The following SPRY3 variants were observed in gnomAD, a reference collection of about 807,000 sequenced individuals.
SPRY3 encodes protein sprouty homolog 3.
A neutral mutation model predicts 20.2 loss-of-function variants in SPRY3; 15 were observed. The observed-to-expected ratio is 0.74, with a 90% CI of 0.50 to 1.14. SPRY3 has a LOEUF of 1.14. Ranked by LOEUF, SPRY3 falls within the 50% of genes most tolerant of loss-of-function variation. The probability of loss-of-function intolerance (pLI) is 0.00; values close to 1 mark genes in which losing one functional copy is unlikely to be tolerated. For synonymous variants in SPRY3, 143 were observed against 136.5 expected, an observed-to-expected ratio of 1.05 and a Z score of -0.33; for missense variants, 364 against 363.9, an observed-to-expected ratio of 1.00 and a Z score of 0.00.
intron 2 of SPRY3, among the ~76,000 whole-genome samples, chrX:155,735,489 T>C (rs2091162274): frequency 6.6e-6 from 1 of 152,044 alleles, no homozygotes; most frequent in Non-Finnish European, 1.5e-5. Flanking sequence ...TCTATTTTAA[T>C]GCTGTTTTTA....
chrX:155,750,989 T>C (rs2091259625), intron 2 of SPRY3, among the ~76,000 whole-genome samples: 1 of 151,806 alleles, frequency 6.6e-6, no homozygotes, highest in Non-Finnish European at 1.5e-5. Flanking sequence ...GTAATTGTAA[T>C]GATGAACCAT....
chrX:155,749,916 G>C (rs748611254), intron 2 of SPRY3, among the ~76,000 whole-genome samples: 1 of 151,866 alleles, frequency 6.6e-6, no homozygotes, highest in South Asian at 2.1e-4. Flanking sequence ...GAGGGATCGA[G>C]TCTATAGATA....
At chrX:155,649,813 G>A (rs1236813877) in intron 1 of SPRY3, among the ~76,000 whole-genome samples, 1 of 111,309 alleles carries the variant, frequency 9.0e-6, no homozygotes, top group Non-Finnish European at 1.9e-5. Context: ...CAAATAGGAA[G>A]GGAGGAAGTC....
At chrX:155,760,939 C>T (rs772104354) in intron 2 of SPRY3, among the ~76,000 whole-genome samples, 6 of 152,212 alleles carry the variant, frequency 3.9e-5, no homozygotes, top group African/African-American at 1.2e-4. Flanking sequence ...AATGTCAATC[C>T]TTATACATTT....
chrX:155,706,821 T>C (rs974933583), intron 2 of SPRY3, among the ~76,000 whole-genome samples: 12 of 150,970 alleles, frequency 7.9e-5, no homozygotes, highest in African/African-American at 2.4e-4. Flanking sequence ...GTACATCTAT[T>C]TTAAAATTTT....
intron 2 of SPRY3, among the ~76,000 whole-genome samples, chrX:155,718,139 A>G (rs2091034420): frequency 6.6e-6 from 1 of 152,146 alleles, no homozygotes; most frequent in Admixed American, 6.6e-5. Flanking sequence ...TTCAATTTCC[A>G]GAGCCCTGTA....
chrX:155,733,507 G>A (rs1270258737), intron 2 of SPRY3, among the ~76,000 whole-genome samples: 1 of 151,548 alleles, frequency 6.6e-6, no homozygotes, highest in Non-Finnish European at 1.5e-5. Context: ...GTCATCCTGG[G>A]CTTTGATGTT....
chrX:155,767,970 A>C (rs1469865925), exon 3 of SPRY3: 10 of 152,272 alleles, frequency 6.6e-5, no homozygotes, highest in Admixed American at 5.2e-4. Context: ...AGAACAAGAC[A>C]GAACTATCTC....
At chrX:155,773,914 A>G (rs930822882) in exon 4 of SPRY3, 3 of 1,613,802 alleles carry the variant, frequency 1.9e-6, no homozygotes, top group African/African-American at 1.3e-5. Context: ...AATTCTGCCT[A>G]TTGAACAGCT....
At chrX:155,626,202 A>G (rs782640024) in intron 1 of SPRY3, among the ~76,000 whole-genome samples, 6 of 111,314 alleles carry the variant, frequency 5.4e-5, no homozygotes, top group African/African-American at 1.6e-4. Context: ...CCTCTCCAAC[A>G]CTCATTTTAG....
In SPRY3 at chrX:155,659,438, C is replaced by T. The variant is rs187363449; in HGVS notation, c.-282+2413C>T. ...GGGATTACAGACGTGCGCCACCACA[C>T]CCAGCCTTTATTTTTTGAGGATTTT... On this transcript the variant is annotated intron_variant, in intron 2 of 3. Transcript: ENST00000675360. 1.8e-3 allele frequency among the ~76,000 whole-genome samples: 201 copies of T among 110,805 alleles called. 1 individual carries two copies. Among genetic ancestry groups the T allele is most frequent in the African/African-American group, 6.3e-3 (191 of 30,526 alleles).
chrX:155,765,353 G>A (rs1224661817), intron 2 of SPRY3, among the ~76,000 whole-genome samples: 1 of 152,072 alleles, frequency 6.6e-6, no homozygotes, highest in African/African-American at 2.4e-5. Context: ...TGTAACCTTG[G>A]ACAAGTTACT....
At chrX:155,713,074 G>T (rs1484250700) in intron 2 of SPRY3, among the ~76,000 whole-genome samples, 19 of 151,626 alleles carry the variant, frequency 1.3e-4, no homozygotes, top group Admixed American at 1.2e-3. Flanking sequence ...TATTATTTTT[G>T]ATTGGTTCAT....
At chrX:155,774,755 A>T (rs2091412427) in exon 4 of SPRY3, 2 of 1,595,788 alleles carry the variant, frequency 1.3e-6, no homozygotes, top group Non-Finnish European at 1.7e-6. Context: ...AACAAGGTGG[A>T]TCCAGAGCTT....
In SPRY3 at chrX:155,677,940, A is replaced by G. The variant is rs193257595; in HGVS notation, c.-282+20915A>G. 1.4e-3 allele frequency among the ~76,000 whole-genome samples: 155 copies of G among 111,699 alleles called. 1 individual carries two copies. Among genetic ancestry groups the G allele is most frequent in the Admixed American group, 3.9e-3 (41 of 10,496 alleles). On this transcript the variant is annotated intron_variant, in intron 2 of 3. Coordinates refer to ENST00000675360, the Ensembl canonical transcript of SPRY3. ...AGACTGAAATGCCTACTGTGTGACA[A>G]TTTGGTACTAGACACCCTAGTAACC...
chrX:155,692,417 C>G (rs2068106087), intron 2 of SPRY3, among the ~76,000 whole-genome samples: 1 of 111,561 alleles, frequency 9.0e-6, no homozygotes. Context: ...TCACCAATGT[C>G]TAGCTCTCTT....
chrX:155,762,152 A>G (rs1220037258), intron 2 of SPRY3, among the ~76,000 whole-genome samples: 2 of 152,188 alleles, frequency 1.3e-5, no homozygotes, highest in East Asian at 1.9e-4. Context: ...TGAAAGGAAT[A>G]CTAGACCAAG....
At chrX:155,646,814 T>C (rs782003436) in intron 1 of SPRY3, among the ~76,000 whole-genome samples, 1 of 111,213 alleles carries the variant, frequency 9.0e-6, no homozygotes, top group African/African-American at 3.2e-5. Context: ...CTGGGTAAGA[T>C]TTCCACCACT....
intron 2 of SPRY3, among the ~76,000 whole-genome samples, chrX:155,692,348 GAAAATGAA>G (rs1225486066): frequency 5.4e-5 from 6 of 111,098 alleles, no homozygotes; most frequent in African/African-American, 2.0e-4. Flanking sequence ...AATCTTTGTA[GAAAATGAA>G]CTGAACATGT....
Sources: allele counts gnomAD v4.1 joint callset (sites outside exome capture counted in the v4.1 genomes callset), GRCh38; gene constraint gnomAD v4.1.1; transcripts MANE v1.5; gene names NCBI Gene and HGNC (gene_info 2026-07-23, HGNC 2026-07-21).